The following MAP3K7 variants were observed in gnomAD, a reference collection of about 807,000 sequenced individuals.
MAP3K7 encodes mitogen-activated protein kinase kinase kinase 7.
A neutral mutation model predicts 84.8 loss-of-function variants in MAP3K7; 21 were observed. The observed-to-expected ratio is 0.25, with a 90% CI of 0.18 to 0.36. MAP3K7 has a LOEUF of 0.36. MAP3K7 is among the 10% of genes least tolerant of loss of function. MAP3K7 has a pLI of 1.00. For synonymous variants in MAP3K7, 241 were observed against 247.7 expected, an observed-to-expected ratio of 0.97 and a Z score of 0.25; for missense variants, 503 against 747.7, an observed-to-expected ratio of 0.67 and a Z score of 3.82.
intron 1 of MAP3K7, among the ~76,000 whole-genome samples, chr6:90,576,399 GGCAACA>G (rs1041834471): frequency 1.4e-5 from 2 of 144,620 alleles, no homozygotes; most frequent in African/African-American, 5.1e-5. Context: ...CTCCAGCCTG[GGCAACA>G]GAGCTAGACT....
intron 13 of MAP3K7, among the ~76,000 whole-genome samples, chr6:90,531,216 CA>C (rs757437787): frequency 5.9e-5 from 9 of 152,130 alleles, no homozygotes; most frequent in Admixed American, 1.3e-4. Context: ...AGTTATTTTA[CA>C]GACAAAAATA....
chr6:90,543,115 C>T (rs764926033), intron 12 of MAP3K7, among the ~76,000 whole-genome samples: 11 of 152,004 alleles, frequency 7.2e-5, no homozygotes, highest in African/African-American at 1.4e-4. Flanking sequence ...ATGCTTCCAC[C>T]TCTTTAAAGT....
rs1582151672 is a variant in MAP3K7 at position 90,516,382 on chromosome 6, C to G, written c.*119G>C. On this transcript the variant is annotated 3_prime_UTR_variant, in exon 17 of 17. Transcript: ENST00000369329. ...ATGAAAAAAATGCAGCAAATATAGG[C>G]AGTTGGCATTCAGAACACGCCAAAA... 5.3e-6 allele frequency: 5 copies of G among 936,356 alleles called. No homozygotes were observed. Among genetic ancestry groups the G allele is most frequent in the East Asian group, 5.0e-5 (2 of 40,392 alleles). 58.0% of individuals were successfully genotyped at this position (936,356 alleles called of 1,614,324 possible).
At chr6:90,563,012 C>T (rs1024186664) in intron 3 of MAP3K7, among the ~76,000 whole-genome samples, 11 of 152,182 alleles carry the variant, frequency 7.2e-5, no homozygotes, top group African/African-American at 2.7e-4. Flanking sequence ...AGCTGAGGTC[C>T]TGACTGTTAG....
Position 90,552,093 on chromosome 6 carries a change from G to A in MAP3K7, c.823C>T (p.Pro275Ser). 6.2e-7 allele frequency: 1 copy of A among 1,612,086 alleles called. No individual in the cohort carries two copies. Among genetic ancestry groups the A allele is most frequent in the Non-Finnish European group, 8.5e-7 (1 of 1,178,570 alleles). Residue 275 changes from proline (P) to serine (S), a missense_variant, in exon 8 of 17, where the codon CCT becomes TCT. This residue lies in a region of MAP3K7 where 286 missense variants were observed against 313.6 expected (regional missense o/e 0.91). Transcript: ENST00000369329. ...ATTTTCACAATTTCCTCCATTGAAG[G>A]GCGCTGGGAAGGATCTTTAGACCAA... ...RCWSKDPSQR[P>S]SMEEIVKIMT...
rs544684152 is a variant in MAP3K7, at chr6:90,587,005, G to T, written c.-122C>A. 272 of 1,205,104 alleles carry T rather than the reference G, an allele frequency of 2.3e-4. No individual in the cohort carries two copies. In the East Asian group the frequency reaches 7.7e-3, roughly 34 times the overall value. 74.7% of individuals were successfully genotyped at this position (1,205,104 alleles called of 1,614,324 possible). ...GAGCCGCGCAGTCCTACTACCCGGCGATCCGTGGCGGGGGTAGAGGCAGCG... is the reference window on the plus strand; with the variant it reads ...GAGCCGCGCAGTCCTACTACCCGGCTATCCGTGGCGGGGGTAGAGGCAGCG... On this transcript the variant is annotated 5_prime_UTR_variant, in exon 1 of 17. Coordinates refer to ENST00000369329, the MANE Select transcript of MAP3K7 (RefSeq NM_145331.3).
At chr6:90,576,437 A>T (rs1312815989) in intron 1 of MAP3K7, among the ~76,000 whole-genome samples, 9 of 133,624 alleles carry the variant, frequency 6.7e-5, no homozygotes, top group Non-Finnish European at 1.1e-4. Context: ...ACACACACAC[A>T]CACACACACA....
intron 13 of MAP3K7, 68 bp downstream of exon 13, chr6:90,536,269 A>G: frequency 1.5e-6 from 2 of 1,293,238 alleles, no homozygotes; most frequent in Non-Finnish European, 2.2e-6. Flanking sequence ...TTTGCAGAGT[A>G]GAATACAGTT....
intron 10 of MAP3K7, 91 bp downstream of exon 10, chr6:90,547,956 A>C: frequency 9.4e-7 from 1 of 1,068,914 alleles, no homozygotes; most frequent in Admixed American, 3.1e-5. Context: ...AGGATTTATA[A>C]AATAGAAGAT....
intron 13 of MAP3K7, among the ~76,000 whole-genome samples, chr6:90,531,094 AAAGAATACT>A (rs1408191878): frequency 6.6e-6 from 1 of 152,188 alleles, no homozygotes; most frequent in African/African-American, 2.4e-5. Flanking sequence ...TAAGGCAGCA[AAAGAATACT>A]AAGCCAAATT....
At chr6:90,558,638 G>T (rs1776411515) in intron 5 of MAP3K7, among the ~76,000 whole-genome samples, 2 of 152,124 alleles carry the variant, frequency 1.3e-5, no homozygotes, top group Admixed American at 1.3e-4. Flanking sequence ...GGATATATCT[G>T]GTCTAACTAG....
intron 1 of MAP3K7, among the ~76,000 whole-genome samples, chr6:90,576,723 C>T (rs1380544101): frequency 6.6e-6 from 1 of 152,126 alleles, no homozygotes; most frequent in East Asian, 1.9e-4. Flanking sequence ...CACATGTATG[C>T]ACTCTGCCTC....
chr6:90,567,328 A>G (rs1440978090), intron 3 of MAP3K7, among the ~76,000 whole-genome samples: 1 of 152,240 alleles, frequency 6.6e-6, no homozygotes, highest in East Asian at 1.9e-4. Context: ...ACAAAGGGCT[A>G]ATATCCAGAA....
In MAP3K7 at chr6:90,579,565, C is replaced by T. The variant is rs938113622; in HGVS notation, c.120+7199G>A. ...AAAACTGCCTTTGAGACTAAGGGGTCCTACAGGCTTATTAAGTTCAATATG... is the reference window on the plus strand; with the variant it reads ...AAAACTGCCTTTGAGACTAAGGGGTTCTACAGGCTTATTAAGTTCAATATG... On this transcript the variant is annotated intron_variant, in intron 1 of 16. Transcript: ENST00000369329. Among the ~76,000 whole-genome samples the T allele has an allele frequency of 2.6e-5, 4 of 152,296 alleles. No homozygotes were observed. The South Asian group carries it at 8.3e-4, about 32-fold the overall frequency.
chr6:90,516,888 T>G (rs1030134764), intron 16 of MAP3K7, among the ~76,000 whole-genome samples: 1 of 151,992 alleles, frequency 6.6e-6, no homozygotes, highest in African/African-American at 2.4e-5. Flanking sequence ...TTTTATTAAG[T>G]AACTGTACTT....
At chr6:90,564,398 A>G (rs1582221876) in intron 3 of MAP3K7, among the ~76,000 whole-genome samples, 1 of 152,302 alleles carries the variant, frequency 6.6e-6, no homozygotes, top group East Asian at 1.9e-4. Flanking sequence ...TGGAAAACAA[A>G]AAAAAGGCAG....
At position 90,533,846 on chromosome 6, in the gene MAP3K7, G is replaced by A. The variant is rs138275627; in HGVS notation, c.1356+2491C>T. On this transcript the variant is annotated intron_variant, in intron 13 of 16. Transcript: ENST00000369329. ...GTCAAACCAGTTCCTGGATGTCAGG[G>A]ACTGCTTTTTTCTTTCTCAGTATCT... is the stretch of plus-strand genomic sequence containing the variant. Among the ~76,000 whole-genome samples the A allele has an allele frequency of 2.6e-5, 4 of 152,278 alleles. No individual in the cohort carries two copies. The East Asian group carries it at 7.7e-4, about 29-fold the overall frequency.
At chr6:90,585,722 G>C (rs1452999451) in intron 1 of MAP3K7, among the ~76,000 whole-genome samples, 2 of 151,154 alleles carry the variant, frequency 1.3e-5, no homozygotes, top group Non-Finnish European at 3.0e-5. Flanking sequence ...AATTACTGCA[G>C]AATAAAGAAA....
rs1004268657 is a variant in MAP3K7 at position 90,578,550 on chromosome 6, C to T, written c.121-6743G>A. Among the ~76,000 whole-genome samples, 7 of 152,270 alleles carry T rather than the reference C, an allele frequency of 4.6e-5. No individual in the cohort carries two copies. In the East Asian group the frequency reaches 1.4e-3, roughly 29 times the overall value. On this transcript the variant is annotated intron_variant, in intron 1 of 16. Coordinates refer to ENST00000369329, the MANE Select transcript of MAP3K7 (RefSeq NM_145331.3). Reference sequence around the variant, plus strand: ...TTGGCCTTCCAAAGTGCTGGGATTACAGGCGTGAACCACTGCACCTGGCCA... The same window carrying T: ...TTGGCCTTCCAAAGTGCTGGGATTATAGGCGTGAACCACTGCACCTGGCCA...
Sources: allele counts gnomAD v4.1 joint callset (sites outside exome capture counted in the v4.1 genomes callset), GRCh38; gene constraint gnomAD v4.1.1; regional missense constraint gnomAD v4.1.1; transcripts MANE v1.5; gene names NCBI Gene and HGNC (gene_info 2026-07-23, HGNC 2026-07-21).